The following DLG2 variants were observed in gnomAD, a reference collection of about 807,000 sequenced individuals.
The protein encoded by DLG2 is discs large MAGUK scaffold protein 2, also known as disks large homolog 2.
In DLG2, 45 loss-of-function variants were observed where a neutral mutation model predicts 132.5. That is an observed-to-expected ratio of 0.34 (90% CI 0.27 to 0.44). DLG2 has a LOEUF of 0.44. Ranked by LOEUF, DLG2 falls within the 20% of genes least tolerant of loss-of-function variation. The pLI, the probability that DLG2 is intolerant of heterozygous loss-of-function variation, is 1.00. For missense variants in DLG2, 1,045 were observed against 1,196.9 expected (o/e 0.87, Z 1.87); for synonymous variants, 424 against 419.6 (o/e 1.01, Z -0.13).
At chr11:83,832,298 T>A (rs1338300901) in intron 17 of DLG2, among the ~76,000 whole-genome samples, 1 of 152,180 alleles carries the variant, frequency 6.6e-6, no homozygotes, top group African/African-American at 2.4e-5. Context: ...AGAAAACTTT[T>A]GGAGTGATGG....
intron 18 of DLG2, among the ~76,000 whole-genome samples, chr11:83,653,229 C>T (rs1170012208): frequency 6.6e-6 from 1 of 152,180 alleles, no homozygotes; most frequent in Non-Finnish European, 1.5e-5. Context: ...CTAAATGTAA[C>T]AACTACAAAC....
chr11:84,949,151 C>T lies in DLG2; in HGVS notation c.357+162510G>A, dbSNP rs886658018. The stretch of plus-strand genomic sequence containing the variant: ...TTTAAAGCTGGGCATCCGGGGGAGA[C>T]ATCACACATTGGTAGGATCCGTGAT... On this transcript the variant is annotated intron_variant, in intron 6 of 27. Coordinates refer to ENST00000376104, the MANE Select transcript of DLG2 (RefSeq NM_001142699.3). Among the ~76,000 whole-genome samples the T allele has an allele frequency of 8.5e-5, 13 of 152,160 alleles. No homozygotes were observed. The East Asian group carries it at 1.4e-3, about 16-fold the overall frequency.
chr11:83,880,215 G>A (rs2065827531), intron 15 of DLG2, among the ~76,000 whole-genome samples: 1 of 152,060 alleles, frequency 6.6e-6, no homozygotes, highest in African/African-American at 2.4e-5. Context: ...GGGAATAAAG[G>A]GGTCAAGATG....
chr11:85,167,488 T>A (rs11234316), intron 4 of DLG2, among the ~76,000 whole-genome samples: 1 of 152,032 alleles, frequency 6.6e-6, no homozygotes, highest in East Asian at 1.9e-4. Context: ...CCCGTCACCC[T>A]GAAGCAAGTG....
chr11:83,706,174 C>T (rs1028841333), intron 18 of DLG2, among the ~76,000 whole-genome samples: 8 of 150,518 alleles, frequency 5.3e-5, no homozygotes, highest in African/African-American at 1.7e-4. Context: ...GCTGAGATCG[C>T]GCCACTGCAC....
At chr11:83,911,917 G>C (rs1398669696) in intron 15 of DLG2, among the ~76,000 whole-genome samples, 10 of 151,172 alleles carry the variant, frequency 6.6e-5, no homozygotes, top group African/African-American at 2.4e-4. Flanking sequence ...TTGGTGTTTT[G>C]AAAGCTGTAC....
At chr11:83,965,204 T>C (rs924078400) in intron 13 of DLG2, 120 bp downstream of exon 13, 81 of 1,116,466 alleles carry the variant, frequency 7.3e-5, no homozygotes, top group South Asian at 3.8e-4. Flanking sequence ...ATACTCCCTC[T>C]GAAGTATTTC....
At chr11:85,412,895 T>C (rs1209304108) in intron 3 of DLG2, among the ~76,000 whole-genome samples, 1 of 151,692 alleles carries the variant, frequency 6.6e-6, no homozygotes, top group African/African-American at 2.4e-5. Context: ...ATCTTTTTCG[T>C]ATAATGATTT....
Position 85,154,670 on chromosome 11 carries a change from AAATC to A in DLG2, c.187-23_187-20del. On this transcript the variant is annotated intron_variant, in intron 4 of 27. Coordinates refer to ENST00000376104, the MANE Select transcript of DLG2 (RefSeq NM_001142699.3). The stretch of plus-strand genomic sequence containing the variant: ...CTGTAAGCTAAAATAAAAGTTTAAA[AAATC>A]AATACTCCTTTTTTATTTTCTGCAA... 1 of 1,169,148 alleles carries A rather than the reference AAATC, an allele frequency of 8.6e-7. No individual in the cohort carries two copies. The highest frequency in any genetic ancestry group is 1.2e-6 in the Non-Finnish European group (1 of 811,798). The allele number at this position is 1,169,148 out of a possible 1,614,324, so 72.4% of individuals were successfully genotyped here. A position where few individuals can be genotyped will look rare whatever the true frequency, so the allele number is the denominator to read the frequency against.
At chr11:84,960,758 A>C (rs1482106459) in intron 6 of DLG2, among the ~76,000 whole-genome samples, 2 of 151,606 alleles carry the variant, frequency 1.3e-5, no homozygotes, top group African/African-American at 4.9e-5. Context: ...TTTTCTTTTC[A>C]CTCCGAGAAA....
At chr11:85,460,094 CAG>C (rs1225109921) in intron 3 of DLG2, among the ~76,000 whole-genome samples, 2 of 152,198 alleles carry the variant, frequency 1.3e-5, no homozygotes, top group Non-Finnish European at 2.9e-5. Context: ...AGAGCACAGA[CAG>C]GGGGTGGCTG....
intron 3 of DLG2, among the ~76,000 whole-genome samples, chr11:85,470,609 A>C (rs2153074955): frequency 6.6e-6 from 1 of 152,220 alleles, no homozygotes; most frequent in South Asian, 2.1e-4. Context: ...CCAGCTACTC[A>C]GGGGGCTGAG....
rs537531056 is a variant in DLG2, at chr11:84,653,039, C to T, written c.358-118308G>A. ...CTCTACCTCCCGGGTCCAAGTGATTCCTGCCTCAGCCTCCTGAGTAGCTGG... is the reference window on the plus strand; with the variant it reads ...CTCTACCTCCCGGGTCCAAGTGATTTCTGCCTCAGCCTCCTGAGTAGCTGG... On this transcript the variant is annotated intron_variant, in intron 6 of 27. Transcript: ENST00000376104. Among the ~76,000 whole-genome samples, 11 of 151,510 alleles carry T rather than the reference C, an allele frequency of 7.3e-5. No homozygotes were observed. The South Asian group carries it at 2.3e-3, about 32-fold the overall frequency.
intron 18 of DLG2, among the ~76,000 whole-genome samples, chr11:83,695,304 C>T (rs781005696): frequency 3.3e-5 from 5 of 152,136 alleles, no homozygotes; most frequent in Non-Finnish European, 5.9e-5. Context: ...GTTCACAGAA[C>T]TGGGAGGATT....
At chr11:84,154,806 T>C (rs2095393073) in intron 9 of DLG2, among the ~76,000 whole-genome samples, 1 of 152,208 alleles carries the variant, frequency 6.6e-6, no homozygotes, top group South Asian at 2.1e-4. Flanking sequence ...GCTTCACCCA[T>C]GCCCCTACAA....
intron 6 of DLG2, among the ~76,000 whole-genome samples, chr11:84,663,638 T>C (rs2099697035): frequency 6.6e-6 from 1 of 152,156 alleles, no homozygotes; most frequent in Non-Finnish European, 1.5e-5. Flanking sequence ...AATTTATGAC[T>C]ATTTACTTGG....
chr11:84,190,045 A>C (rs2096374578), intron 8 of DLG2, among the ~76,000 whole-genome samples: 1 of 152,118 alleles, frequency 6.6e-6, no homozygotes, highest in Non-Finnish European at 1.5e-5. Flanking sequence ...CAGTAAGGTA[A>C]GTGTCAAGAT....
chr11:84,679,603 A>C (rs1283458004), intron 6 of DLG2, among the ~76,000 whole-genome samples: 1 of 152,128 alleles, frequency 6.6e-6, no homozygotes, highest in Non-Finnish European at 1.5e-5. Flanking sequence ...GAGATAAAGA[A>C]GAAAGAAAAA....
chr11:84,417,771 C>T (rs867044816), intron 7 of DLG2, among the ~76,000 whole-genome samples: 1 of 151,964 alleles, frequency 6.6e-6, no homozygotes, highest in African/African-American at 2.4e-5. Context: ...TTTTTTTTCC[C>T]CACCATTTTA....
Sources: allele counts gnomAD v4.1 joint callset (sites outside exome capture counted in the v4.1 genomes callset), GRCh38; gene constraint gnomAD v4.1.1; transcripts MANE v1.5; gene names NCBI Gene and HGNC (gene_info 2026-07-23, HGNC 2026-07-21).